Variants in NPLOC4 observed in about 807,000 individuals in gnomAD.
NPLOC4 encodes the protein nuclear protein localization protein 4 homolog.
Under a neutral mutation model 80.6 loss-of-function variants are expected in NPLOC4, and 18 were observed. The observed-to-expected ratio is 0.22, with a 90% CI of 0.15 to 0.33. The LOEUF (loss-of-function observed/expected upper bound fraction) is 0.33. NPLOC4 is among the 10% of genes least tolerant of loss of function. NPLOC4 has a pLI of 1.00. For missense variants in NPLOC4, 540 were observed against 786.1 expected, an observed-to-expected ratio of 0.69 and a Z score of 3.74; for synonymous variants, 313 against 301.5, an observed-to-expected ratio of 1.04 and a Z score of -0.39.
chr17:81,614,213 G>A (rs538935227), intron 3 of NPLOC4: 1 of 139,556 alleles, frequency 7.2e-6, no homozygotes, highest in African/African-American at 2.7e-5. Context: ...GGAGGCGGAG[G>A]TTACAGTGAG....
At chr17:81,634,945 C>T (rs557261498) in intron 1 of NPLOC4, among the ~76,000 whole-genome samples, 13 of 152,192 alleles carry the variant, frequency 8.5e-5, no homozygotes, top group African/African-American at 3.1e-4. Flanking sequence ...GACTGTAATC[C>T]TAGCAATTTT....
intron 1 of NPLOC4, among the ~76,000 whole-genome samples, chr17:81,633,140 A>AAAAAAAG (rs1568172418): frequency 6.6e-6 from 1 of 151,000 alleles, no homozygotes; most frequent in East Asian, 2.0e-4. Context: ...AAAAAAAAAA[A>AAAAAAAG]AAAAGAAAAG....
intron 12 of NPLOC4, among the ~76,000 whole-genome samples, chr17:81,581,588 C>G (rs7406991): frequency 0.69 from 104,458 of 152,004 alleles, 36,948 homozygotes; most frequent in Non-Finnish European, 0.77. Context: ...CAGTCCTCCA[C>G]AGCACCAAGG....
intron 13 of NPLOC4, among the ~76,000 whole-genome samples, chr17:81,571,088 C>T (rs1477177190): frequency 2.0e-5 from 3 of 152,076 alleles, no homozygotes; most frequent in Non-Finnish European, 2.9e-5. Flanking sequence ...GATGCCTTCA[C>T]GGCCTAGGTA....
Position 81,633,114 on chromosome 17 carries a change from C to G in NPLOC4, c.16-3309G>C, listed in dbSNP as rs537016659. Among the ~76,000 whole-genome samples, 6 of 109,890 alleles carry G rather than the reference C, an allele frequency of 5.5e-5. No individual in the cohort carries two copies. In the South Asian group the frequency reaches 1.9e-3, roughly 35 times the overall value. The allele number at this position is 109,890 out of a possible 152,430, so 72.1% of individuals were successfully genotyped here. A position where few individuals can be genotyped will look rare whatever the true frequency, so the allele number is the denominator to read the frequency against. ...CTGCACTCCAGCCTGGGTGACAGAG[C>G]AAGACTCCGTCTCAAAAAAAAAAAA... is the stretch of plus-strand genomic sequence containing the variant. On this transcript the variant is annotated intron_variant, in intron 1 of 16. Transcript: ENST00000331134.
At chr17:81,559,900 T>C (rs2033796214) in intron 16 of NPLOC4, among the ~76,000 whole-genome samples, 3 of 151,660 alleles carry the variant, frequency 2.0e-5, no homozygotes, top group African/African-American at 7.3e-5. Context: ...GCCTGGCTAA[T>C]TTTATCTATT....
intron 11 of NPLOC4, among the ~76,000 whole-genome samples, chr17:81,593,431 G>A (rs1053974478): frequency 1.3e-5 from 2 of 152,016 alleles, no homozygotes; most frequent in South Asian, 2.1e-4. Flanking sequence ...ACACCTAAAC[G>A]TATGACTTTA....
chr17:81,600,303 G>A (rs2035029527), intron 9 of NPLOC4, 38 bp downstream of exon 9: 6 of 1,501,334 alleles, frequency 4.0e-6, no homozygotes, highest in Non-Finnish European at 4.6e-6. Flanking sequence ...AACAGAGCCT[G>A]GCCACGCCCC....
At position 81,581,375 on chromosome 17, in the gene NPLOC4, A is replaced by AAAAATC. The variant is rs1555680405; in HGVS notation, c.1281+7568_1281+7569insGATTTT. The stretch of plus-strand genomic sequence containing the variant: ...AAAAAAAAAAAAAAAAAAAAAAAAA[A>AAAAATC]AGTTAATAAAATCACCATGTCACAA... On this transcript the variant is annotated intron_variant, in intron 12 of 16. Transcript: ENST00000331134. 6.9e-5 allele frequency among the ~76,000 whole-genome samples: 5 copies of AAAAATC among 72,806 alleles called. 1 individual carries two copies. Among genetic ancestry groups the AAAAATC allele is most frequent in the Admixed American group, 1.7e-4 (1 of 5,758 alleles). 47.8% of individuals were successfully genotyped at this position (72,806 alleles called of 152,430 possible).
At chr17:81,563,379 C>T (rs972252008) in intron 16 of NPLOC4, 1 of 149,200 alleles carries the variant, frequency 6.7e-6, no homozygotes, top group Non-Finnish European at 1.5e-5. Flanking sequence ...GCCCGGCCAA[C>T]CCTATCTCTT....
In NPLOC4 at chr17:81,572,338, G is replaced by A. The variant is rs534928996; in HGVS notation, c.1282-250C>T. On this transcript the variant is annotated intron_variant, in intron 12 of 16. Coordinates refer to ENST00000331134, the MANE Select transcript of NPLOC4 (RefSeq NM_017921.4). This position sits in a 1 kb window ranked among gnomAD's most constrained non-coding sequence, Gnocchi z 4.5. ...CAAGTAGCTGGGACTACAGGCGCCC[G>A]CCACCACGCCCGGCTAATTTTTTTT... 0.018 allele frequency among the ~76,000 whole-genome samples: 2,689 copies of A among 151,820 alleles called. 77 individuals are homozygous for A. The highest frequency in any genetic ancestry group is 0.061 in the African/African-American group (2,533 of 41,360).
intron 4 of NPLOC4, among the ~76,000 whole-genome samples, chr17:81,611,487 C>T (rs2035337744): frequency 6.6e-6 from 1 of 151,220 alleles, no homozygotes; most frequent in South Asian, 2.1e-4. Flanking sequence ...GTAGCTGGGA[C>T]TACAGGTGCA....
chr17:81,610,958 C>CAAA (rs1243703301), intron 4 of NPLOC4, among the ~76,000 whole-genome samples: 2 of 15,980 alleles, frequency 1.3e-4, no homozygotes, highest in African/African-American at 3.4e-4. Flanking sequence ...GACTCCGTCT[C>CAAA]AAAAAAAAAA....
rs995988595 is a variant in NPLOC4 at position 81,605,894 on chromosome 17, T to C, written c.654+797A>G. On this transcript the variant is annotated intron_variant, in intron 7 of 16. Transcript: ENST00000331134. ...TGGAGTGCAGTGGCGTGATTTTGGC[T>C]CACTGCAACCTCTGCCTTCAGGTTC... Among the ~76,000 whole-genome samples the C allele has an allele frequency of 2.0e-5, 3 of 151,136 alleles. No individual in the cohort carries two copies. In the Admixed American group the frequency reaches 2.0e-4, roughly 10 times the overall value.
At chr17:81,636,870 C>T (rs1192880683) in intron 1 of NPLOC4, 46 bp downstream of exon 1, 10 of 1,398,058 alleles carry the variant, frequency 7.2e-6, no homozygotes, top group Non-Finnish European at 8.4e-6. Context: ...GGCAAATCTG[C>T]TGCCTCATCC....
intron 14 of NPLOC4, chr17:81,568,109 T>A (rs1215411265): frequency 7.2e-6 from 1 of 138,920 alleles, no homozygotes; most frequent in Admixed American, 7.2e-5. Context: ...AAAAAAAGGC[T>A]GACTCAGACA....
At chr17:81,596,366 G>A (rs1450358966) in intron 10 of NPLOC4, 124 bp from the exon 11 acceptor site, 18 of 1,120,920 alleles carry the variant, frequency 1.6e-5, no homozygotes, top group Non-Finnish European at 2.3e-5. Flanking sequence ...CCAGCACTTT[G>A]AGAGGTGGAG....
intron 12 of NPLOC4, among the ~76,000 whole-genome samples, chr17:81,585,210 T>C (rs1042913819): frequency 6.9e-6 from 1 of 144,260 alleles, no homozygotes; most frequent in Admixed American, 6.9e-5. Context: ...ATGGTATTAG[T>C]TCTGGTTTAG....
At position 81,577,113 on chromosome 17, in the gene NPLOC4, A is replaced by C. The variant is rs1294953085; in HGVS notation, c.1282-5025T>G. Among the ~76,000 whole-genome samples the C allele has an allele frequency of 2.0e-5, 3 of 152,176 alleles. No homozygotes were observed. The highest frequency in any genetic ancestry group is 4.4e-5 in the Non-Finnish European group (3 of 68,026). The stretch of plus-strand genomic sequence containing the variant: ...GAGTAAGCAATGCCTGGCCACAGCA[A>C]GGGGCAGTGGGTTCCTCAGAGATAC... On this transcript the variant is annotated intron_variant, in intron 12 of 16. Coordinates refer to ENST00000331134, the MANE Select transcript of NPLOC4 (RefSeq NM_017921.4). This position sits in a 1 kb window ranked among gnomAD's most constrained non-coding sequence, Gnocchi z 4.3.
Sources: gnomAD v4.1 joint callset for allele counts (sites outside exome capture counted in the v4.1 genomes callset) on GRCh38, gnomAD v4.1.1 for gene constraint, Gnocchi (gnomAD v3.1) non-coding constraint, MANE v1.5 for transcripts, NCBI Gene and HGNC (gene_info 2026-07-23, HGNC 2026-07-21) for gene names.